ARFGEF1: variants seen among roughly 807,000 people sequenced by gnomAD.
The protein encoded by ARFGEF1 is ARF guanine nucleotide exchange factor 1, also known as brefeldin A-inhibited guanine nucleotide-exchange protein 1.
ARFGEF1 carries 42 observed loss-of-function variants against 231.0 expected under a neutral mutation model. That is an observed-to-expected ratio of 0.18 (90% CI 0.14 to 0.24). The LOEUF (loss-of-function observed/expected upper bound fraction) is 0.24, where lower values mean the gene tolerates loss of function less well. ARFGEF1 is among the 10% of genes least tolerant of loss of function. ARFGEF1 has a pLI of 1.00. For missense variants in ARFGEF1, 1,345 were observed against 2,192.0 expected (o/e 0.61, Z 7.72); for synonymous variants, 710 against 732.3 (o/e 0.97, Z 0.49).
chr8:67,190,134 G>A (rs575926587), intron 5 of ARFGEF1, among the ~76,000 whole-genome samples: 1 of 152,294 alleles, frequency 6.6e-6, no homozygotes, highest in South Asian at 2.1e-4. Flanking sequence ...GAATGTGAAT[G>A]TTCATAGCAG....
intron 5 of ARFGEF1, among the ~76,000 whole-genome samples, chr8:67,183,871 T>TTA (rs1833666938): frequency 1.4e-5 from 2 of 144,300 alleles, no homozygotes; most frequent in South Asian, 2.2e-4. Context: ...TTTTTTTTTT[T>TTA]AGACAAAGTC....
intron 22 of ARFGEF1, among the ~76,000 whole-genome samples, chr8:67,235,576 C>T (rs931209934): frequency 6.6e-6 from 1 of 152,114 alleles, no homozygotes; most frequent in Non-Finnish European, 1.5e-5. Context: ...TGCCTCTAGT[C>T]CTAGCATTTT....
At chr8:67,253,736 C>A in intron 17 of ARFGEF1, 114 bp from the exon 18 acceptor site, 1 of 568,742 alleles carries the variant, frequency 1.8e-6, no homozygotes. Flanking sequence ...AGGATAGAAA[C>A]TGGAAAGTAT....
At chr8:67,182,366 G>A (rs1051758720) in intron 5 of ARFGEF1, among the ~76,000 whole-genome samples, 1 of 151,606 alleles carries the variant, frequency 6.6e-6, no homozygotes, top group African/African-American at 2.4e-5. Context: ...TGTGTACCAC[G>A]TTTTGTTTAT....
intron 17 of ARFGEF1, among the ~76,000 whole-genome samples, chr8:67,254,420 T>G (rs1161162959): frequency 6.6e-6 from 1 of 152,210 alleles, no homozygotes; most frequent in African/African-American, 2.4e-5. Context: ...TTTATTTAAT[T>G]AAATATATTT....
chr8:67,184,744 T>TATA (rs377423199), intron 5 of ARFGEF1, among the ~76,000 whole-genome samples: 2,284 of 142,492 alleles, frequency 0.016, 32 homozygotes, highest in African/African-American at 0.035. Flanking sequence ...AATAAAAAAA[T>TATA]ATAATAATAA....
At chr8:67,201,895 C>T (rs189129222) in intron 36 of ARFGEF1, 13 of 340,428 alleles carry the variant, frequency 3.8e-5, no homozygotes, top group Admixed American at 2.1e-4. Context: ...GCTCTGCCTG[C>T]GCCAGGGGCC....
intron 1 of ARFGEF1, among the ~76,000 whole-genome samples, chr8:67,313,444 T>G (rs1043777062): frequency 1.6e-4 from 24 of 152,320 alleles, no homozygotes; most frequent in African/African-American, 5.8e-4. Flanking sequence ...GGCTGAAGGC[T>G]GTTGTTCAGA....
rs752529021 is a variant in ARFGEF1, at chr8:67,217,937, C to A, written c.4475-17G>T. ...GCTCATTGTCTAGGAAAGAAAAGAGCAATTCATTTATATATTACCAGGGTC... is the reference window on the plus strand; with the variant it reads ...GCTCATTGTCTAGGAAAGAAAAGAGAAATTCATTTATATATTACCAGGGTC... On this transcript the variant is annotated splice_polypyrimidine_tract_variant and intron_variant, in intron 31 of 38. Transcript: ENST00000262215. The A allele has an allele frequency of 6.2e-7, 1 of 1,612,950 alleles. No homozygotes were observed. Among genetic ancestry groups the A allele is most frequent in the South Asian group, 1.1e-5 (1 of 91,018 alleles).
At chr8:67,288,959 C>CAAA (rs550504271) in intron 6 of ARFGEF1, among the ~76,000 whole-genome samples, 3 of 142,716 alleles carry the variant, frequency 2.1e-5, no homozygotes, top group Non-Finnish European at 3.1e-5. Flanking sequence ...ACAAAAAAAA[C>CAAA]AAAAAAAAAA....
chr8:67,218,156 T>C lies in ARFGEF1; in HGVS notation c.4339-18A>G, dbSNP rs1165189111. On this transcript the variant is annotated intron_variant, in intron 30 of 38. Coordinates refer to ENST00000262215, the MANE Select transcript of ARFGEF1 (RefSeq NM_006421.5). ...TCAGCTTTCTGGGGAAAAAAGTCAT[T>C]AATGAACATCACGCCATTAATCAAC... 1 of 1,367,942 alleles carries C rather than the reference T, an allele frequency of 7.3e-7. No individual in the cohort carries two copies. Among genetic ancestry groups the C allele is most frequent in the African/African-American group, 1.6e-5 (1 of 62,010 alleles). The allele number at this position is 1,367,942 out of a possible 1,614,324, so 84.7% of individuals were successfully genotyped here. A position where few individuals can be genotyped will look rare whatever the true frequency, so the allele number is the denominator to read the frequency against.
chr8:67,210,946 G>A (rs753631007), intron 34 of ARFGEF1, among the ~76,000 whole-genome samples: 3 of 151,616 alleles, frequency 2.0e-5, no homozygotes, highest in Admixed American at 6.6e-5. Context: ...CCAGCTACTC[G>A]GGAGGCTGAG....
In ARFGEF1 at chr8:67,343,545, C is replaced by G; in HGVS notation, c.-258G>C. On this transcript the variant is annotated 5_prime_UTR_variant, in exon 1 of 39. Transcript: ENST00000262215. Reference sequence around the variant, plus strand: ...GCGCCCGTCGGGCCTCCGCTTCTCCCGGCCCGGGGGTCGCGTCCCGGCCGC... The same window carrying G: ...GCGCCCGTCGGGCCTCCGCTTCTCCGGGCCCGGGGGTCGCGTCCCGGCCGC... The G allele has an allele frequency of 8.8e-7, 1 of 1,141,180 alleles. No homozygotes were observed. The highest frequency in any genetic ancestry group is 1.1e-6 in the Non-Finnish European group (1 of 929,048). 70.7% of individuals were successfully genotyped at this position (1,141,180 alleles called of 1,614,324 possible). A position where few individuals can be genotyped will look rare whatever the true frequency, so the allele number is the denominator to read the frequency against.
At chr8:67,235,109 T>C (rs570936650) in intron 22 of ARFGEF1, among the ~76,000 whole-genome samples, 2,267 of 147,216 alleles carry the variant, frequency 0.015, 62 homozygotes, top group African/African-American at 0.054. Context: ...TGTATATATA[T>C]ACACACACAC....
At chr8:67,315,559 G>A (rs1308868085) in intron 1 of ARFGEF1, among the ~76,000 whole-genome samples, 1 of 152,000 alleles carries the variant, frequency 6.6e-6, no homozygotes, top group Non-Finnish European at 1.5e-5. Context: ...CTTTTTTTCC[G>A]AGTAAAGTGA....
intron 1 of ARFGEF1, among the ~76,000 whole-genome samples, chr8:67,311,708 T>C (rs953926442): frequency 2.0e-5 from 3 of 152,160 alleles, no homozygotes; most frequent in Admixed American, 2.0e-4. Flanking sequence ...AGAGCCCTTC[T>C]GCCCGGCCAC....
intron 34 of ARFGEF1, among the ~76,000 whole-genome samples, chr8:67,205,267 C>T (rs925526205): frequency 2.0e-5 from 3 of 152,220 alleles, no homozygotes; most frequent in African/African-American, 7.2e-5. Flanking sequence ...TGTCTGCCTC[C>T]TGGAAAGCTT....
At chr8:67,293,033 TG>T (rs1008331553) in intron 5 of ARFGEF1, among the ~76,000 whole-genome samples, 34 of 152,118 alleles carry the variant, frequency 2.2e-4, no homozygotes, top group African/African-American at 8.2e-4. Flanking sequence ...TTTTATTTTG[TG>T]GGGGAAGGGG....
intron 1 of ARFGEF1, among the ~76,000 whole-genome samples, chr8:67,303,165 G>A (rs1806579548): frequency 6.6e-6 from 1 of 152,024 alleles, no homozygotes; most frequent in Non-Finnish European, 1.5e-5. Flanking sequence ...AAAATGTACG[G>A]CAGATGTTTG....
Sources: gnomAD v4.1 joint callset for allele counts (sites outside exome capture counted in the v4.1 genomes callset) on GRCh38, gnomAD v4.1.1 for gene constraint, MANE v1.5 for transcripts, NCBI Gene and HGNC (gene_info 2026-07-23, HGNC 2026-07-21) for gene names.